Variants in GPAT3 observed in about 807,000 individuals in gnomAD.
The protein encoded by GPAT3 is glycerol-3-phosphate acyltransferase 3, also known as 1-AGP acyltransferase 9.
Under a neutral mutation model 58.8 loss-of-function variants are expected in GPAT3, and 53 were observed. That is an observed-to-expected ratio of 0.90 (90% CI 0.72 to 1.13). The LOEUF is 1.13. GPAT3 is among the 50% of genes most tolerant of loss of function. The probability of loss-of-function intolerance (pLI) is 0.00; values close to 1 mark genes in which losing one functional copy is unlikely to be tolerated. For missense variants in GPAT3, 511 were observed against 527.6 expected, an observed-to-expected ratio of 0.97 and a Z score of 0.31; for synonymous variants, 197 against 187.4, an observed-to-expected ratio of 1.05 and a Z score of -0.42.
chr4:83,552,896 C>A (rs1724806061), intron 2 of GPAT3, among the ~76,000 whole-genome samples: 1 of 152,038 alleles, frequency 6.6e-6, no homozygotes, highest in Non-Finnish European at 1.5e-5. Flanking sequence ...TAAATACGGG[C>A]CCCAGGGAGT....
chr4:83,603,464 T>C (rs1207175247), intron 11 of GPAT3, among the ~76,000 whole-genome samples: 2 of 152,212 alleles, frequency 1.3e-5, no homozygotes, highest in Admixed American at 1.3e-4. Context: ...TAAATGATTA[T>C]AAATGCTGGA....
At position 83,571,730 on chromosome 4, in the gene GPAT3, ATATATACACGCATATATATATATGTG is replaced by A. The variant is rs1725616719; in HGVS notation, c.209-9822_209-9797del. ...CACATATATATACACACACATATAT[ATATATACACGCATATATATATATGTG>A]TATATACACATATATAGTTTTGTTG... On this transcript the variant is annotated intron_variant, in intron 2 of 11. Transcript: ENST00000264409. Among the ~76,000 whole-genome samples, 4 of 150,828 alleles carry A rather than the reference ATATATACACGCATATATATATATGTG, an allele frequency of 2.7e-5. No homozygotes were observed. The Admixed American group carries it at 2.7e-4, about 10-fold the overall frequency.
At chr4:83,581,986 C>T (rs770061428) in intron 3 of GPAT3, among the ~76,000 whole-genome samples, 154 bp downstream of exon 3, 4 of 152,172 alleles carry the variant, frequency 2.6e-5, no homozygotes, top group South Asian at 4.1e-4. Context: ...GAATGTATTA[C>T]GTATCCATTT....
intron 10 of GPAT3, 157 bp from the exon 11 acceptor site, chr4:83,598,487 A>G (rs1026283059): frequency 1.1e-4 from 88 of 785,458 alleles, no homozygotes; most frequent in Middle Eastern, 3.6e-4. Context: ...CATTTTCTTT[A>G]TAGAACAAAT....
intron 5 of GPAT3, 145 bp from the exon 6 acceptor site, chr4:83,590,054 A>C: frequency 9.9e-6 from 6 of 607,850 alleles, no homozygotes; most frequent in Non-Finnish European, 1.6e-5. Context: ...GATTGCACCA[A>C]TGCACTCCAG....
intron 1 of GPAT3, among the ~76,000 whole-genome samples, chr4:83,537,611 G>GTA (rs1344096286): frequency 2.9e-5 from 4 of 137,278 alleles, no homozygotes; most frequent in African/African-American, 1.0e-4. Context: ...GTGTGTGTGT[G>GTA]TGTGTGTGTG....
chr4:83,602,881 C>T (rs1727110677), intron 11 of GPAT3, among the ~76,000 whole-genome samples: 1 of 152,178 alleles, frequency 6.6e-6, no homozygotes, highest in African/African-American at 2.4e-5. Context: ...GACCTAACAA[C>T]AATTTATAAT....
At chr4:83,569,206 T>A (rs1276546353) in intron 2 of GPAT3, among the ~76,000 whole-genome samples, 4 of 152,146 alleles carry the variant, frequency 2.6e-5, no homozygotes. Flanking sequence ...GAGGCCTTCT[T>A]TAATAAGGAA....
At chr4:83,539,564 G>A (rs1467697985) in intron 1 of GPAT3, among the ~76,000 whole-genome samples, 1 of 152,142 alleles carries the variant, frequency 6.6e-6, no homozygotes, top group Non-Finnish European at 1.5e-5. Flanking sequence ...ATTGTTACTT[G>A]TTAACTCACT....
At position 83,604,719 on chromosome 4, in the gene GPAT3, G is replaced by A; in HGVS notation, c.1257G>A (p.Gln419=). 6.2e-7 allele frequency: 1 copy of A among 1,614,026 alleles called. No homozygotes were observed. The highest frequency in any genetic ancestry group is 8.5e-7 in the Non-Finnish European group (1 of 1,179,966). ...AKVKDIFKEE[Q]QKNYSKMIVG... is the part of the protein sequence containing the mutation. ...TGAAGGACATCTTTAAGGAAGAGCA[G>A]CAGAAAAATTACAGCAAGATGATTG... Residue 419 remains glutamine, a synonymous_variant, in exon 12 of 12, where the codon CAG becomes CAA. Transcript: ENST00000264409.
rs1468890296 is a variant in GPAT3, at chr4:83,538,506, TG to T, written c.141+1744del. Among the ~76,000 whole-genome samples the T allele has an allele frequency of 2.0e-5, 3 of 152,232 alleles. No homozygotes were observed. The East Asian group carries it at 5.8e-4, about 29-fold the overall frequency. ...CTCTTTCTCTGAACTCTGAAATGAT[TG>T]AACTGCTCTCTCATACAGCAATGTC... On this transcript the variant is annotated intron_variant, in intron 1 of 11. Coordinates refer to ENST00000264409, the MANE Select transcript of GPAT3 (RefSeq NM_032717.5).
At chr4:83,565,427 C>G (rs1344602395) in intron 2 of GPAT3, among the ~76,000 whole-genome samples, 2 of 152,086 alleles carry the variant, frequency 1.3e-5, no homozygotes, top group Admixed American at 6.6e-5. Flanking sequence ...GGATCTGTTT[C>G]TGAGCTATTT....
At chr4:83,590,393 T>G in intron 6 of GPAT3, 101 bp downstream of exon 6, 1 of 1,016,572 alleles carries the variant, frequency 9.8e-7, no homozygotes, top group Middle Eastern at 2.1e-4. Context: ...ATGTTAGAAA[T>G]TTGACTGCGT....
intron 7 of GPAT3, among the ~76,000 whole-genome samples, chr4:83,596,457 CA>C (rs1159262400): frequency 6.6e-6 from 1 of 151,874 alleles, no homozygotes; most frequent in African/African-American, 2.4e-5. Flanking sequence ...GCCATCAGTA[CA>C]AAAAATACAA....
At chr4:83,544,000 C>G (rs571848338) in intron 1 of GPAT3, among the ~76,000 whole-genome samples, 24 of 152,276 alleles carry the variant, frequency 1.6e-4, no homozygotes, top group African/African-American at 5.5e-4. Flanking sequence ...TTTCTGCAAG[C>G]TTATTTCTGA....
At chr4:83,554,431 A>G (rs960788519) in intron 2 of GPAT3, among the ~76,000 whole-genome samples, 1 of 152,152 alleles carries the variant, frequency 6.6e-6, no homozygotes, top group Non-Finnish European at 1.5e-5. Context: ...TTTATCCCCC[A>G]GAGAAAAATC....
chr4:83,547,718 A>G (rs1343450592), intron 2 of GPAT3, among the ~76,000 whole-genome samples: 1 of 152,226 alleles, frequency 6.6e-6, no homozygotes, highest in Non-Finnish European at 1.5e-5. Context: ...TTAAATAATT[A>G]TCTTCTGTCT....
At chr4:83,599,774 A>G (rs1726986093) in intron 11 of GPAT3, among the ~76,000 whole-genome samples, 2 of 152,200 alleles carry the variant, frequency 1.3e-5, no homozygotes, top group African/African-American at 4.8e-5. Flanking sequence ...CAGACAAAAT[A>G]CAGTGGTCCC....
intron 10 of GPAT3, 70 bp from the exon 11 acceptor site, chr4:83,598,574 A>G (rs879158268): frequency 4.1e-6 from 5 of 1,223,236 alleles, no homozygotes; most frequent in Non-Finnish European, 3.6e-6. Flanking sequence ...ACAAATACAA[A>G]TGATTATGAG....
Sources: allele counts gnomAD v4.1 joint callset (sites outside exome capture counted in the v4.1 genomes callset), GRCh38; gene constraint gnomAD v4.1.1; transcripts MANE v1.5; gene names NCBI Gene and HGNC (gene_info 2026-07-23, HGNC 2026-07-21).